The following FAM86B1 variants were observed in gnomAD, a reference collection of about 807,000 sequenced individuals.
The protein encoded by FAM86B1 is family with sequence similarity 86 member B1 (gene/pseudogene).
For synonymous variants in FAM86B1, 4 were observed against 137.6 expected, an observed-to-expected ratio of 0.03 and a Z score of 6.79; for missense variants, 13 against 328.1, an observed-to-expected ratio of 0.04 and a Z score of 7.42.
At chr8:12,185,751 TCA>T in intron 5 of FAM86B1, 1 of 414,298 alleles carries the variant, frequency 2.4e-6, no homozygotes. Flanking sequence ...ATCTCCAGAC[TCA>T]CTGGTGTCCT....
chr8:12,191,543 C>T (rs776798533), intron 2 of FAM86B1, among the ~76,000 whole-genome samples: 6,152 of 130,312 alleles, frequency 0.047, 10 homozygotes, highest in Non-Finnish European at 0.074. Context: ...CCCTAGATTT[C>T]CCCCCTCTTG....
At chr8:12,194,882 A>C (rs1348759727), upstream of FAM86B1, 5 of 149,686 alleles carry the variant, frequency 3.3e-5, no homozygotes, top group African/African-American at 1.3e-4. Flanking sequence ...AATGTGGCTC[A>C]AGTTCGGGAG....
At chr8:12,193,369 A>G (rs1359129737) in intron 1 of FAM86B1, among the ~76,000 whole-genome samples, 8 of 142,624 alleles carry the variant, frequency 5.6e-5, no homozygotes, top group South Asian at 4.2e-4. Context: ...TTACAAATGG[A>G]ACGGGGTGCA....
rs1180733819 is a variant in FAM86B1, at chr8:12,190,269, CGT to C, written c.160-383_160-382del. Among the ~76,000 whole-genome samples the C allele has an allele frequency of 4.1e-5, 6 of 146,722 alleles. No individual in the cohort carries two copies. In the East Asian group the frequency reaches 1.2e-3, roughly 29 times the overall value. On this transcript the variant is annotated intron_variant, in intron 2 of 6. Transcript: ENST00000448228. ...CCACTCAGCAACTGCTCTCTGGGAG[CGT>C]GTGTCCCTGGGGACAGGATGGAGGG...
intron 1 of FAM86B1, among the ~76,000 whole-genome samples, chr8:12,193,094 G>T (rs1321197581): frequency 1.4e-4 from 20 of 143,562 alleles, no homozygotes; most frequent in Non-Finnish European, 2.2e-4. Flanking sequence ...GGTGGGTGTT[G>T]AGGGTGAGCC....
upstream of FAM86B1, chr8:12,194,467 A>C (rs1224466576): frequency 2.6e-6 from 1 of 383,006 alleles, no homozygotes; most frequent in Non-Finnish European, 4.9e-6. Context: ...CATTGGATTC[A>C]GGAGGCGGGA....
At chr8:12,189,310 T>A (rs1488484294) in intron 3 of FAM86B1, among the ~76,000 whole-genome samples, 3 of 106,958 alleles carry the variant, frequency 2.8e-5, no homozygotes, top group Non-Finnish European at 5.3e-5. Flanking sequence ...AAGTAAAAAA[T>A]AAAATCCATC....
intron 2 of FAM86B1, among the ~76,000 whole-genome samples, chr8:12,190,892 C>G (rs201667339): frequency 0.23 from 14,287 of 62,628 alleles, 29 homozygotes; most frequent in East Asian, 0.44. Flanking sequence ...CAGCCTTGTG[C>G]TGGGTTTTAA....
intron 2 of FAM86B1, among the ~76,000 whole-genome samples, chr8:12,191,049 C>T (rs1271633636): frequency 2.0e-5 from 3 of 149,438 alleles, no homozygotes; most frequent in African/African-American, 7.6e-5. Flanking sequence ...CCTGCTGTGG[C>T]TGCATCTTTT....
At chr8:12,194,157 G>A (rs1334051905), upstream of FAM86B1, 1 of 1,461,490 alleles carries the variant, frequency 6.8e-7, no homozygotes, top group Admixed American at 2.0e-5. Context: ...GGCAGAGCGC[G>A]GGGGCAGAGA....
chr8:12,191,109 G>T (rs1265950441), intron 2 of FAM86B1, among the ~76,000 whole-genome samples: 3 of 125,590 alleles, frequency 2.4e-5, no homozygotes, highest in East Asian at 2.2e-4. Context: ...CTTCACCGGG[G>T]CTCCTAGGAT....
chr8:12,188,817 A>G (rs1806282376), intron 3 of FAM86B1, among the ~76,000 whole-genome samples: 2 of 101,940 alleles, frequency 2.0e-5, no homozygotes, highest in African/African-American at 5.7e-5. Context: ...CTAGGGAGAA[A>G]GCAGGTATTG....
At chr8:12,190,974 G>A (rs1177196309) in intron 2 of FAM86B1, among the ~76,000 whole-genome samples, 91 of 145,744 alleles carry the variant, frequency 6.2e-4, no homozygotes, top group Middle Eastern at 3.5e-3. Flanking sequence ...AGAGCAAGGT[G>A]CGAGATAACT....
chr8:12,186,206 G>A lies in FAM86B1; in HGVS notation c.640+146C>T, dbSNP rs1805783241. ...TTAAGAGGCACCCCTGTCCTTTGATGTCACCCTGGAGGCCCAGAGTAACTC... is the reference window on the plus strand; with the variant it reads ...TTAAGAGGCACCCCTGTCCTTTGATATCACCCTGGAGGCCCAGAGTAACTC... On this transcript the variant is annotated intron_variant, in intron 5 of 6. Coordinates refer to ENST00000448228, the MANE Select transcript of FAM86B1 (RefSeq NM_001083537.4). 6.2e-5 allele frequency: 51 copies of A among 827,592 alleles called. 12 individuals are homozygous for A. In the South Asian group the frequency reaches 1.0e-3, roughly 17 times the overall value. The allele number at this position is 827,592 out of a possible 1,614,324, so 51.3% of individuals were successfully genotyped here.
intron 2 of FAM86B1, among the ~76,000 whole-genome samples, chr8:12,190,910 C>T (rs1187722363): frequency 1.1e-5 from 1 of 92,114 alleles, no homozygotes; most frequent in East Asian, 3.0e-4. Flanking sequence ...TAAAGCAGCT[C>T]TCCCTACATC....
In FAM86B1 at chr8:12,193,284, C is replaced by G. The variant is rs548243642; in HGVS notation, c.96+691G>C. On this transcript the variant is annotated intron_variant, in intron 1 of 6. Coordinates refer to ENST00000448228, the MANE Select transcript of FAM86B1 (RefSeq NM_001083537.4). ...GAATAACACAAATGATTAAGCAACA[C>G]CCCATAAAATGGGGCAGACCCAGGG... is the stretch of plus-strand genomic sequence containing the variant. 1.6e-4 allele frequency among the ~76,000 whole-genome samples: 24 copies of G among 145,842 alleles called. 1 individual carries two copies. The highest frequency in any genetic ancestry group is 5.9e-4 in the African/African-American group (21 of 35,790).
Position 12,183,109 on chromosome 8 carries a change from GGGCTTGGCTTTGT to G in FAM86B1, c.*484_*496del. On this transcript the variant is annotated 3_prime_UTR_variant, in exon 7 of 7. Coordinates refer to ENST00000448228, the MANE Select transcript of FAM86B1 (RefSeq NM_001083537.4). ...AGCCCTGGGATGTGGCAGCTGCAGC[GGGCTTGGCTTTGT>G]GAGGAACCGAGTGTGTCCAGGGATG... is the stretch of plus-strand genomic sequence containing the variant. The G allele has an allele frequency of 4.2e-6, 1 of 239,882 alleles. No individual in the cohort carries two copies. The highest frequency in any genetic ancestry group is 8.3e-6 in the Non-Finnish European group (1 of 121,090). The allele number at this position is 239,882 out of a possible 1,614,324, so 14.9% of individuals were successfully genotyped here.
intron 1 of FAM86B1, among the ~76,000 whole-genome samples, chr8:12,193,236 G>C (rs1214645810): frequency 1.4e-5 from 2 of 145,728 alleles, no homozygotes; most frequent in African/African-American, 2.8e-5. Context: ...TGATCTCTGA[G>C]TGCTAAATAT....
chr8:12,185,456 TC>T lies in FAM86B1; in HGVS notation c.709del (p.Glu237SerfsTer27). On this transcript the variant is annotated frameshift_variant, in exon 6 of 7. Coordinates refer to ENST00000448228, the MANE Select transcript of FAM86B1 (RefSeq NM_001083537.4). LOFTEE classifies it high-confidence loss of function. ...GVLQRLAACR[E>X]HKRAPEVYVA... ...GTAGACCTCAGGAGCCCGCTTGTGC[TC>T]CCGGCAGGCAGCCAGCCTCTGCAGG... 6.3e-7 allele frequency: 1 copy of T among 1,584,066 alleles called. No homozygotes were observed. The highest frequency in any genetic ancestry group is 8.6e-7 in the Non-Finnish European group (1 of 1,164,576).
Sources: gnomAD v4.1 joint callset for allele counts (sites outside exome capture counted in the v4.1 genomes callset) on GRCh38, gnomAD v4.1.1 for gene constraint, MANE v1.5 for transcripts, NCBI Gene and HGNC (gene_info 2026-07-23, HGNC 2026-07-21) for gene names.